Variants in IQCB1 observed in about 807,000 individuals in gnomAD.
IQCB1 encodes the protein IQ calmodulin-binding motif-containing protein 1.
In IQCB1, 56 loss-of-function variants were observed where a neutral mutation model predicts 84.4. The observed-to-expected ratio is 0.66, with a 90% confidence interval of 0.54 to 0.83. The LOEUF (loss-of-function observed/expected upper bound fraction) is 0.83. Ranked by LOEUF, IQCB1 falls within the 40% of genes least tolerant of loss-of-function variation. The pLI, the probability that IQCB1 is intolerant of heterozygous loss-of-function variation, is 0.00. For missense variants in IQCB1, 629 were observed against 682.1 expected (o/e 0.92, Z 0.87); for synonymous variants, 210 against 234.8 (o/e 0.89, Z 0.96).
intron 12 of IQCB1, 148 bp downstream of exon 12, chr3:121,788,135 AG>A: frequency 2.7e-6 from 2 of 735,278 alleles, no homozygotes; most frequent in Non-Finnish European, 4.7e-6. Context: ...GCCAGAGGTA[AG>A]GGGTTTTTCT....
rs1456257526 is a variant in IQCB1 at position 121,781,786 on chromosome 3, A to C, written c.1367T>G (p.Val456Gly). Residue 456 changes from valine (V) to glycine (G), a missense_variant, in exon 13 of 15, where the codon GTT becomes GGT. By Grantham distance (109) the Val-to-Gly change is moderately radical. Transcript: ENST00000310864. ...GLQELTDARRVELKKRVDDYV... is the reference protein window; with the variant it reads ...GLQELTDARRGELKKRVDDYV... Reference sequence around the variant, plus strand: ...GTCATCCACTCGTTTCTTCAGTTCAACTCGGCGTGCATCAGTGAGTTCTTG... The same window carrying C: ...GTCATCCACTCGTTTCTTCAGTTCACCTCGGCGTGCATCAGTGAGTTCTTG... 9 of 1,613,718 alleles carry C rather than the reference A, an allele frequency of 5.6e-6. No homozygotes were observed. The highest frequency in any genetic ancestry group is 7.6e-6 in the Non-Finnish European group (9 of 1,179,856).
rs151095070 is a variant in IQCB1, at chr3:121,833,155, A to T, written c.-13+1236T>A. ...TTAATACATGAAAGCAATTGGAACAATTCCTGGCACATAGTAAGAGCTCTC... is the reference window on the plus strand; with the variant it reads ...TTAATACATGAAAGCAATTGGAACATTTCCTGGCACATAGTAAGAGCTCTC... On this transcript the variant is annotated intron_variant, in intron 2 of 14. Transcript: ENST00000310864. 1.8e-4 allele frequency among the ~76,000 whole-genome samples: 27 copies of T among 152,322 alleles called. No homozygotes were observed. In the East Asian group the frequency reaches 5.2e-3, roughly 29 times the overall value.
chr3:121,778,536 T>A (rs992036045), intron 13 of IQCB1, among the ~76,000 whole-genome samples: 8 of 151,626 alleles, frequency 5.3e-5, no homozygotes, highest in African/African-American at 1.9e-4. Flanking sequence ...AAAAAGTCTT[T>A]TTTTTTTTAA....
rs542969186 is a variant in IQCB1 at position 121,789,992 on chromosome 3, T to A, written c.1129+81A>T. On this transcript the variant is annotated intron_variant, in intron 11 of 14. Transcript: ENST00000310864. The stretch of plus-strand genomic sequence containing the variant: ...ACAAAAGTCCAAATTTAAAAAAAAA[T>A]CATCACGTAGCTAGAAAAGTTGGTT... 14,628 of 1,229,846 alleles carry A rather than the reference T, an allele frequency of 0.012. 139 individuals carry two copies. Among genetic ancestry groups the A allele is most frequent in the Non-Finnish European group, 0.012 (10,464 of 839,522 alleles). 76.2% of individuals were successfully genotyped at this position (1,229,846 alleles called of 1,614,324 possible).
Position 121,774,576 on chromosome 3 carries a change from T to C in IQCB1, c.1411-1863A>G, listed in dbSNP as rs75549252. On this transcript the variant is annotated intron_variant, in intron 13 of 14. Transcript: ENST00000310864. ...AAATGTAGTATATATAATGGAATAT[T>C]ATTCAGCCTTTAAAAGTAGAAAATT... Among the ~76,000 whole-genome samples the C allele has an allele frequency of 1.0e-3, 153 of 152,350 alleles. 2 individuals are homozygous for C. The East Asian group carries it at 0.017, about 17-fold the overall frequency.
chr3:121,799,169 C>T (rs376598599), intron 8 of IQCB1, 27 bp downstream of exon 8: 19 of 1,572,238 alleles, frequency 1.2e-5, no homozygotes, highest in Non-Finnish European at 1.6e-5. Context: ...TTGAGAATCC[C>T]AAGAAAAGAA....
At chr3:121,834,077 GC>G (rs1022394969) in intron 2 of IQCB1, 1 of 152,190 alleles carries the variant, frequency 6.6e-6, no homozygotes, top group Non-Finnish European at 1.5e-5. Context: ...TCAAACTAGA[GC>G]CACCATCTGC....
intron 5 of IQCB1, among the ~76,000 whole-genome samples, chr3:121,810,581 T>C (rs1282807476): frequency 6.6e-6 from 1 of 151,548 alleles, no homozygotes; most frequent in East Asian, 1.9e-4. Context: ...ATACATAACA[T>C]ATTAATACAT....
chr3:121,793,174 A>AC (rs1949059675), intron 10 of IQCB1, among the ~76,000 whole-genome samples: 1 of 152,244 alleles, frequency 6.6e-6, no homozygotes, highest in African/African-American at 2.4e-5. Flanking sequence ...AATCAGCACT[A>AC]TGATAGAGGT....
chr3:121,834,963 T>A lies in IQCB1; in HGVS notation c.-102+3A>T, dbSNP rs1239602341. The A allele has an allele frequency of 4.7e-6, 2 of 429,500 alleles. No homozygotes were observed. The highest frequency in any genetic ancestry group is 8.6e-6 in the Non-Finnish European group (2 of 233,534). 26.6% of individuals were successfully genotyped at this position (429,500 alleles called of 1,614,324 possible). On this transcript the variant is annotated splice_donor_region_variant and intron_variant, in intron 1 of 14. Coordinates refer to ENST00000310864, the MANE Select transcript of IQCB1 (RefSeq NM_001023570.4). The stretch of plus-strand genomic sequence containing the variant: ...TCCCCAGCCACCACCTCAGATAAGT[T>A]ACCTCATCCTCGCTTCGCGTTCTTC...
intron 4 of IQCB1, among the ~76,000 whole-genome samples, chr3:121,826,412 T>C (rs1950469037): frequency 6.6e-6 from 1 of 152,204 alleles, no homozygotes; most frequent in Non-Finnish European, 1.5e-5. Context: ...ACATATCAGC[T>C]CATTCAGCAA....
chr3:121,820,934 C>G (rs543479579), intron 5 of IQCB1, among the ~76,000 whole-genome samples: 138 of 151,528 alleles, frequency 9.1e-4, no homozygotes, highest in African/African-American at 3.1e-3. Context: ...AAAAAAAAGC[C>G]TCTTCACTAT....
chr3:121,815,292 A>G (rs927380518), intron 5 of IQCB1, among the ~76,000 whole-genome samples: 1 of 152,300 alleles, frequency 6.6e-6, no homozygotes, highest in Admixed American at 6.5e-5. Flanking sequence ...TGAGAAACCC[A>G]CAGCCAACAT....
Position 121,828,869 on chromosome 3 carries a change from T to C in IQCB1, c.92A>G (p.Lys31Arg). The C allele has an allele frequency of 2.5e-6, 4 of 1,582,868 alleles. No homozygotes were observed. Among genetic ancestry groups the C allele is most frequent in the Non-Finnish European group, 3.5e-6 (4 of 1,152,920 alleles). The change falls in exon 3 of 15, where the codon AAG becomes AGG. Residue 31 changes from lysine to arginine, a missense_variant. Transcript: ENST00000310864. ...CAAAAAGATTTTCTTACCTTTTAAC[T>C]TCAACAGTATAACAGGGACATTCTG... ...PEQNVPVILLKLKEIINITPL... is the reference protein window; with the variant it reads ...PEQNVPVILLRLKEIINITPL...
At chr3:121,808,767 T>A in intron 6 of IQCB1, 149 bp downstream of exon 6, 1 of 587,190 alleles carries the variant, frequency 1.7e-6, no homozygotes, top group South Asian at 2.2e-5. Context: ...ATATCCATTT[T>A]AAAAAATTGT....
At chr3:121,798,064 T>G (rs1046251618) in intron 8 of IQCB1, among the ~76,000 whole-genome samples, 1 of 151,932 alleles carries the variant, frequency 6.6e-6, no homozygotes, top group Non-Finnish European at 1.5e-5. Context: ...GGGAGAAGGA[T>G]TCAGGTAAAA....
At chr3:121,793,285 C>T (rs1949065096) in intron 10 of IQCB1, among the ~76,000 whole-genome samples, 1 of 152,036 alleles carries the variant, frequency 6.6e-6, no homozygotes, top group Non-Finnish European at 1.5e-5. Flanking sequence ...TTTCTGAATA[C>T]GAGAAATGAC....
chr3:121,809,122 A>G, intron 5 of IQCB1, 113 bp from the exon 6 acceptor site: 1 of 663,688 alleles, frequency 1.5e-6, no homozygotes, highest in Non-Finnish European at 2.6e-6. Context: ...GATCTAACTT[A>G]GCTATTTATG....
At chr3:121,811,232 T>A (rs1191546571) in intron 5 of IQCB1, among the ~76,000 whole-genome samples, 1 of 152,082 alleles carries the variant, frequency 6.6e-6, no homozygotes. Flanking sequence ...CTGTGCTATC[T>A]GGCCCAGATA....
Sources: gnomAD v4.1 joint callset for allele counts (sites outside exome capture counted in the v4.1 genomes callset) on GRCh38, gnomAD v4.1.1 for gene constraint, MANE v1.5 for transcripts, NCBI Gene and HGNC (gene_info 2026-07-23, HGNC 2026-07-21) for gene names.